Variants in UBE2E3 observed in about 807,000 individuals in gnomAD.
The protein encoded by UBE2E3 is ubiquitin conjugating enzyme E2 E3, also known as ubiquitin-conjugating enzyme E2 E3.
A neutral mutation model predicts 23.6 loss-of-function variants in UBE2E3; 5 were observed. That is an observed-to-expected ratio of 0.21 (90% CI 0.11 to 0.44). UBE2E3 has a LOEUF of 0.44. Among genes scored for constraint, UBE2E3 ranks in the 20% least tolerant of loss-of-function variants. The probability of loss-of-function intolerance (pLI) is 0.99; values close to 1 mark genes in which losing one functional copy is unlikely to be tolerated. For missense variants in UBE2E3, 81 were observed against 249.8 expected (o/e 0.32, Z 4.55); for synonymous variants, 78 against 87.5 (o/e 0.89, Z 0.60).
chr2:181,021,570 T>TCCTC (rs1201581086), intron 3 of UBE2E3, among the ~76,000 whole-genome samples: 3 of 76,222 alleles, frequency 3.9e-5, no homozygotes, highest in Non-Finnish European at 2.5e-5. Flanking sequence ...CTTCCTTCCT[T>TCCTC]CCTCCCTCCC....
intron 3 of UBE2E3, among the ~76,000 whole-genome samples, chr2:181,034,145 A>G (rs527630561): frequency 2.0e-5 from 3 of 152,218 alleles, no homozygotes; most frequent in Non-Finnish European, 4.4e-5. Flanking sequence ...TTGAACTAGA[A>G]ATACCATTTG....
intron 3 of UBE2E3, among the ~76,000 whole-genome samples, chr2:180,986,670 A>G (rs770677615): frequency 1.4e-4 from 22 of 152,146 alleles, no homozygotes; most frequent in Non-Finnish European, 2.9e-4. Context: ...CCTGAGATCT[A>G]TGAAACCTAA....
At chr2:181,046,589 C>T (rs994233515) in intron 3 of UBE2E3, among the ~76,000 whole-genome samples, 26 of 152,140 alleles carry the variant, frequency 1.7e-4, no homozygotes, top group African/African-American at 6.0e-4. Context: ...AATATATTGG[C>T]GAAATGGCTT....
chr2:181,040,046 T>A (rs926508870), intron 3 of UBE2E3, among the ~76,000 whole-genome samples: 4 of 152,348 alleles, frequency 2.6e-5, no homozygotes, highest in Admixed American at 2.0e-4. Flanking sequence ...ACTGTATTTA[T>A]AATTTACCAC....
intron 3 of UBE2E3, chr2:180,987,302 T>G: frequency 6.5e-7 from 1 of 1,546,458 alleles, no homozygotes; most frequent in Non-Finnish European, 8.7e-7. Context: ...TTTAGTGATG[T>G]GTTATTAAGA....
chr2:180,990,030 T>C (rs1684608707), intron 3 of UBE2E3: 10 of 1,476,202 alleles, frequency 6.8e-6, no homozygotes, highest in South Asian at 2.5e-5. Flanking sequence ...GATTTTTTTT[T>C]CCACATACCA....
At chr2:181,060,888 T>C in intron 5 of UBE2E3, 76 bp downstream of exon 5, 1 of 935,062 alleles carries the variant, frequency 1.1e-6, no homozygotes, top group Non-Finnish European at 1.4e-6. Flanking sequence ...TTTTTTTTTT[T>C]AGTTAGCTTT....
At chr2:181,026,363 T>A (rs180881316) in intron 3 of UBE2E3, among the ~76,000 whole-genome samples, 48 of 151,936 alleles carry the variant, frequency 3.2e-4, no homozygotes, top group African/African-American at 1.1e-3. Flanking sequence ...CCTAGGTAAC[T>A]CTTTCATTTC....
At chr2:181,000,431 C>G (rs553763208) in intron 3 of UBE2E3, among the ~76,000 whole-genome samples, 68 of 152,276 alleles carry the variant, frequency 4.5e-4, no homozygotes, top group African/African-American at 1.5e-3. Context: ...CACTGTACAA[C>G]TCCAGGGGGT....
At chr2:180,986,069 C>G (rs73037072) in intron 3 of UBE2E3, among the ~76,000 whole-genome samples, 2,653 of 152,160 alleles carry the variant, frequency 0.017, 77 homozygotes, top group African/African-American at 0.06. Flanking sequence ...ATAATGCTTC[C>G]TCATTTAGTG....
At chr2:181,021,437 CTTT>C (rs1685671091) in intron 3 of UBE2E3, among the ~76,000 whole-genome samples, 1 of 141,340 alleles carries the variant, frequency 7.1e-6, no homozygotes, top group African/African-American at 2.6e-5. Flanking sequence ...CCCTTCCTTC[CTTT>C]CTCCCTCCCT....
chr2:181,036,416 C>T (rs981572077), intron 3 of UBE2E3, among the ~76,000 whole-genome samples: 25 of 152,230 alleles, frequency 1.6e-4, no homozygotes, highest in African/African-American at 6.0e-4. Context: ...GTACTTACAA[C>T]GTTCATGAGG....
intron 3 of UBE2E3, among the ~76,000 whole-genome samples, chr2:181,042,770 G>A (rs188863355): frequency 1.3e-5 from 2 of 152,302 alleles, no homozygotes; most frequent in African/African-American, 4.8e-5. Context: ...AAGTATCTGG[G>A]TTGGAAGTAG....
At chr2:181,048,794 T>C (rs1686745278) in intron 3 of UBE2E3, among the ~76,000 whole-genome samples, 1 of 152,084 alleles carries the variant, frequency 6.6e-6, no homozygotes, top group African/African-American at 2.4e-5. Context: ...TGGAAAGCAA[T>C]ATAGAGGTTT....
Position 181,062,771 on chromosome 2 carries a change from T to A in UBE2E3, c.527-20T>A. 6.6e-7 allele frequency: 1 copy of A among 1,517,374 alleles called. No individual in the cohort carries two copies. The allele number at this position is 1,517,374 out of a possible 1,614,324, so 94.0% of individuals were successfully genotyped here. A position where few individuals can be genotyped will look rare whatever the true frequency, so the allele number is the denominator to read the frequency against. ...GAAGATACCACAAAATAGCTTTTAA[T>A]GTTCTTTCTGCTTTTCCAGCGGATC... On this transcript the variant is annotated intron_variant, in intron 5 of 5. Transcript: ENST00000410062.
intron 3 of UBE2E3, among the ~76,000 whole-genome samples, chr2:181,021,141 G>A (rs534426107): frequency 6.6e-6 from 1 of 152,248 alleles, no homozygotes; most frequent in South Asian, 2.1e-4. Context: ...GTCTTCGTGG[G>A]CTTTCACATA....
intron 3 of UBE2E3, among the ~76,000 whole-genome samples, chr2:181,035,291 A>G (rs1234530175): frequency 6.6e-6 from 1 of 152,096 alleles, no homozygotes; most frequent in Non-Finnish European, 1.5e-5. Context: ...TTTCTGAACT[A>G]TTCTTTCAAG....
At chr2:181,004,371 G>A (rs772667192) in intron 3 of UBE2E3, among the ~76,000 whole-genome samples, 2 of 151,998 alleles carry the variant, frequency 1.3e-5, no homozygotes, top group African/African-American at 4.8e-5. Flanking sequence ...GTGGTGGCTC[G>A]CACCTGTAAT....
intron 3 of UBE2E3, among the ~76,000 whole-genome samples, chr2:181,045,241 A>ATGC (rs887063364): frequency 2.4e-4 from 36 of 152,212 alleles, no homozygotes; most frequent in African/African-American, 8.0e-4. Context: ...CTGTTATATT[A>ATGC]TGCTGATTAT....
Sources: allele counts gnomAD v4.1 joint callset (sites outside exome capture counted in the v4.1 genomes callset), GRCh38; gene constraint gnomAD v4.1.1; transcripts MANE v1.5; gene names NCBI Gene and HGNC (gene_info 2026-07-23, HGNC 2026-07-21).